Variants in MAVS observed in about 807,000 individuals in gnomAD.
MAVS encodes mitochondrial antiviral-signaling protein.
A neutral mutation model predicts 30.2 loss-of-function variants in MAVS; 20 were observed. The ratio of observed to expected loss-of-function variants is 0.66; its 90% CI spans 0.47 to 0.96. MAVS has a LOEUF of 0.96. Among genes scored for constraint, MAVS ranks in the 40% least tolerant of loss-of-function variants. The pLI, the probability that MAVS is intolerant of heterozygous loss-of-function variation, is 0.00. For synonymous variants in MAVS, 278 were observed against 293.9 expected (o/e 0.95, Z 0.55); for missense variants, 624 against 701.1 (o/e 0.89, Z 1.24).
chr20:3,873,424 C>T lies in MAVS; in HGVS notation c.*7277C>T, dbSNP rs1204827289. On this transcript the variant is annotated 3_prime_UTR_variant, in exon 7 of 7. Coordinates refer to ENST00000428216, the MANE Select transcript of MAVS (RefSeq NM_020746.5). Reference sequence around the variant, plus strand: ...TGGCGTACATCTGTAATTTCAGCCACTCGGGAGGCTGAGACAGGAGAATAG... The same window carrying T: ...TGGCGTACATCTGTAATTTCAGCCATTCGGGAGGCTGAGACAGGAGAATAG... The T allele has an allele frequency of 6.6e-6, 1 of 152,178 alleles. No individual in the cohort carries two copies. Among genetic ancestry groups the T allele is most frequent in the Non-Finnish European group, 1.5e-5 (1 of 68,078 alleles). The allele number at this position is 152,178 out of a possible 1,614,324, so 9.4% of individuals were successfully genotyped here. A position where few individuals can be genotyped will look rare whatever the true frequency, so the allele number is the denominator to read the frequency against.
intron 3 of MAVS, among the ~76,000 whole-genome samples, chr20:3,860,957 G>A (rs937551824): frequency 2.0e-5 from 3 of 151,204 alleles, no homozygotes; most frequent in Non-Finnish European, 2.9e-5. Context: ...TTACAGGCAT[G>A]AGCCATCGTG....
chr20:3,852,537 G>C (rs1048398408), intron 1 of MAVS, among the ~76,000 whole-genome samples: 1 of 152,040 alleles, frequency 6.6e-6, no homozygotes, highest in Non-Finnish European at 1.5e-5. Context: ...GCCAGGAAGG[G>C]AGCCAGGACA....
intron 2 of MAVS, among the ~76,000 whole-genome samples, chr20:3,856,276 G>A (rs529186616): frequency 8.1e-4 from 123 of 151,130 alleles, no homozygotes; most frequent in Non-Finnish European, 1.5e-3. Context: ...GGATTGTCTC[G>A]ATCTCCTGAC....
At chr20:3,857,853 C>T in intron 3 of MAVS, 44 bp downstream of exon 3, 1 of 1,595,130 alleles carries the variant, frequency 6.3e-7, no homozygotes, top group Non-Finnish European at 8.6e-7. Flanking sequence ...AGCCTGCTCC[C>T]TGGCCTCCGC....
At chr20:3,856,353 A>ATTTTTTTT (rs56232181) in intron 2 of MAVS, among the ~76,000 whole-genome samples, 2 of 101,420 alleles carry the variant, frequency 2.0e-5, no homozygotes, top group Non-Finnish European at 1.9e-5. Context: ...TGCGCCCAGC[A>ATTTTTTTT]TTTTTTTTTT....
At chr20:3,852,433 T>G (rs577500586) in intron 1 of MAVS, among the ~76,000 whole-genome samples, 1 of 152,176 alleles carries the variant, frequency 6.6e-6, no homozygotes, top group South Asian at 2.1e-4. Flanking sequence ...CCGATTATTA[T>G]CATGTTGGGG....
intron 2 of MAVS, 89 bp downstream of exon 2, chr20:3,854,830 C>CCTGGG (rs2089795636): frequency 2.5e-6 from 2 of 815,584 alleles, no homozygotes; most frequent in Non-Finnish European, 3.9e-6. Flanking sequence ...CTCACCCAAG[C>CCTGGG]CTGGGCTGGC....
Position 3,864,732 on chromosome 20 carries a change from G to C in MAVS, c.1102G>C (p.Val368Leu). The change falls in exon 6 of 7, where the codon GTG becomes CTG. Residue 368 changes from valine to leucine, a missense_variant. Transcript: ENST00000428216. ...MVPSKVPTSM[V>L]LTKVSASTVP... ...GCCATCCAAAGTGCCTACTAGCATG[G>C]TGCTCACCAAGGTGTCTGCCAGCAC... is the stretch of plus-strand genomic sequence containing the variant. 1 of 1,614,220 alleles carries C rather than the reference G, an allele frequency of 6.2e-7. No homozygotes were observed. Among genetic ancestry groups the C allele is most frequent in the Non-Finnish European group, 8.5e-7 (1 of 1,180,038 alleles).
intron 1 of MAVS, among the ~76,000 whole-genome samples, chr20:3,853,786 CTGTT>C (rs892638271): frequency 2.2e-4 from 34 of 152,030 alleles, no homozygotes; most frequent in South Asian, 4.2e-4. Flanking sequence ...GAGACCCCAT[CTGTT>C]TGTTTGTTTG....
At chr20:3,861,093 C>T (rs1292913243) in intron 3 of MAVS, among the ~76,000 whole-genome samples, 1 of 149,882 alleles carries the variant, frequency 6.7e-6, no homozygotes, top group Non-Finnish European at 1.5e-5. Context: ...CCCGGGTTCA[C>T]GCCATTCTCC....
intron 1 of MAVS, among the ~76,000 whole-genome samples, chr20:3,849,396 G>C (rs528357744): frequency 1.3e-5 from 2 of 152,044 alleles, no homozygotes; most frequent in East Asian, 1.9e-4. Context: ...GTAGAGAAAG[G>C]GTTTCACCAT....
Position 3,872,742 on chromosome 20 carries a change from G to A in MAVS, c.*6595G>A, listed in dbSNP as rs1288633006. On this transcript the variant is annotated 3_prime_UTR_variant, in exon 7 of 7. Coordinates refer to ENST00000428216, the MANE Select transcript of MAVS (RefSeq NM_020746.5). ...GCCTAAGATGATTAAGACACTATGA[G>A]TGCCTTCAAGTGGTTGGGGACGTTC... The A allele has an allele frequency of 6.6e-6, 1 of 152,364 alleles. No homozygotes were observed. The highest frequency in any genetic ancestry group is 1.5e-5 in the Non-Finnish European group (1 of 68,046). The allele number at this position is 152,364 out of a possible 1,614,324, so 9.4% of individuals were successfully genotyped here.
rs2089914135 is a variant in MAVS, at chr20:3,867,021, C to T, written c.*874C>T. On this transcript the variant is annotated 3_prime_UTR_variant, in exon 7 of 7. Coordinates refer to ENST00000428216, the MANE Select transcript of MAVS (RefSeq NM_020746.5). Reference sequence around the variant, plus strand: ...CTGGCTCATTCTTCACTGGGTTCTTCTGAGATTGAACCTACAGGTGTTTGC... The same window carrying T: ...CTGGCTCATTCTTCACTGGGTTCTTTTGAGATTGAACCTACAGGTGTTTGC... 1 of 456,648 alleles carries T rather than the reference C, an allele frequency of 2.2e-6. No individual in the cohort carries two copies. Among genetic ancestry groups the T allele is most frequent in the Non-Finnish European group, 4.4e-6 (1 of 226,994 alleles). 28.3% of individuals were successfully genotyped at this position (456,648 alleles called of 1,614,324 possible).
At chr20:3,856,108 G>GC (rs922387895) in intron 2 of MAVS, among the ~76,000 whole-genome samples, 4 of 150,952 alleles carry the variant, frequency 2.6e-5, no homozygotes, top group African/African-American at 9.8e-5. Flanking sequence ...AGGCTGGAGT[G>GC]CAGTGGTGTG....
Position 3,861,447 on chromosome 20 carries a change from G to T in MAVS, c.408G>T (p.Lys136Asn). The T allele has an allele frequency of 6.2e-7, 1 of 1,607,112 alleles. No individual in the cohort carries two copies. The highest frequency in any genetic ancestry group is 8.5e-7 in the Non-Finnish European group (1 of 1,173,850). Residue 136 changes from lysine (K) to asparagine (N), a missense_variant, in exon 4 of 7, where the codon AAG becomes AAT. By Grantham distance (94) the Lys-to-Asn change is moderately conservative (BLOSUM62 0). Coordinates refer to ENST00000428216, the MANE Select transcript of MAVS (RefSeq NM_020746.5). The stretch of plus-strand genomic sequence containing the variant: ...TCCCCTACAACAGCTGCAGAGAGAA[G>T]GAGCCAAGTTACCCCATGCCTGTCC... ...HSIPYNSCRE[K>N]EPSYPMPVQE... is the part of the protein sequence containing the mutation.
intron 1 of MAVS, among the ~76,000 whole-genome samples, chr20:3,847,741 TG>T (rs1374565710): frequency 6.6e-6 from 1 of 152,154 alleles, no homozygotes; most frequent in Non-Finnish European, 1.5e-5. Flanking sequence ...TCTTTGGGCT[TG>T]AAGGCAGGTG....
chr20:3,859,379 A>G (rs1005964274), intron 3 of MAVS, among the ~76,000 whole-genome samples: 3 of 151,982 alleles, frequency 2.0e-5, no homozygotes, highest in Non-Finnish European at 2.9e-5. Flanking sequence ...ATGGTGGTGC[A>G]AGCCTGTAAT....
chr20:3,856,055 CG>C (rs1180327073), intron 2 of MAVS, among the ~76,000 whole-genome samples: 1 of 131,276 alleles, frequency 7.6e-6, no homozygotes, highest in East Asian at 2.8e-4. Flanking sequence ...TGCAGTGGCA[CG>C]ATTTTTTTTT....
At position 3,865,418 on chromosome 20, in the gene MAVS, C is replaced by T. The variant is rs1330612478; in HGVS notation, c.1159-265C>T. 1.3e-5 allele frequency among the ~76,000 whole-genome samples: 2 copies of T among 152,192 alleles called. No homozygotes were observed. Among genetic ancestry groups the T allele is most frequent in the African/African-American group, 4.8e-5 (2 of 41,446 alleles). ...ATGTCAGTGCAGGATGGAGCCCCGC[C>T]CTACCAAAGGCTTCCAGGTGGGCAT... On this transcript the variant is annotated intron_variant, in intron 6 of 6. Transcript: ENST00000428216. The surrounding 1 kb of genome is among the most constrained non-coding windows in gnomAD (Gnocchi z 4.7).
Sources: gnomAD v4.1 joint callset for allele counts (sites outside exome capture counted in the v4.1 genomes callset) on GRCh38, gnomAD v4.1.1 for gene constraint, Gnocchi (gnomAD v3.1) non-coding constraint, MANE v1.5 for transcripts, NCBI Gene and HGNC (gene_info 2026-07-23, HGNC 2026-07-21) for gene names.